The following CADM2 variants were observed in gnomAD, a reference collection of about 807,000 sequenced individuals.
The protein encoded by CADM2 is cell adhesion molecule 2, also known as immunoglobulin superfamily member 4D.
In CADM2, 12 loss-of-function variants were observed where a neutral mutation model predicts 49.8. The observed-to-expected ratio is 0.24, with a 90% CI of 0.15 to 0.39. The LOEUF (loss-of-function observed/expected upper bound fraction) is 0.39, where lower values mean the gene tolerates loss of function less well. CADM2 is among the 10% of genes least tolerant of loss of function. The pLI, the probability that CADM2 is intolerant of heterozygous loss-of-function variation, is 1.00. For missense variants in CADM2, 378 were observed against 492.3 expected, an observed-to-expected ratio of 0.77 and a Z score of 2.20; for synonymous variants, 214 against 175.4, an observed-to-expected ratio of 1.22 and a Z score of -1.74.
chr3:85,176,646 C>A lies in CADM2; in HGVS notation c.61+216978C>A, dbSNP rs569906951. 2.0e-5 allele frequency among the ~76,000 whole-genome samples: 3 copies of A among 152,118 alleles called. No individual in the cohort carries two copies. The South Asian group carries it at 6.2e-4, about 32-fold the overall frequency. On this transcript the variant is annotated intron_variant, in intron 1 of 9. Coordinates refer to ENST00000383699, the MANE Select transcript of CADM2 (RefSeq NM_001167675.2). ...AATGGGATTAAGGATTTTTTCCATC[C>A]TTTTTATATTAATTACCCATCCATA...
At chr3:85,508,028 T>A (rs182018052) in intron 1 of CADM2, among the ~76,000 whole-genome samples, 29 of 152,280 alleles carry the variant, frequency 1.9e-4, no homozygotes, top group Non-Finnish European at 2.6e-4. Context: ...CTTACATGTC[T>A]CAACATGTCC....
At chr3:85,523,688 TTTA>T (rs2061084463) in intron 1 of CADM2, among the ~76,000 whole-genome samples, 2 of 152,158 alleles carry the variant, frequency 1.3e-5, no homozygotes, top group African/African-American at 4.8e-5. Context: ...GGAAACTGAT[TTTA>T]TTATCTTCTT....
chr3:85,453,748 G>A (rs1372354610), intron 1 of CADM2, among the ~76,000 whole-genome samples: 3 of 152,062 alleles, frequency 2.0e-5, no homozygotes, highest in African/African-American at 7.2e-5. Flanking sequence ...GGAATTGTAT[G>A]AAATAATTAG....
intron 1 of CADM2, among the ~76,000 whole-genome samples, chr3:85,210,236 T>C (rs1020534291): frequency 1.3e-5 from 2 of 152,216 alleles, no homozygotes; most frequent in African/African-American, 4.8e-5. Flanking sequence ...TGAAATGATA[T>C]GTTTTTTGAA....
intron 1 of CADM2, among the ~76,000 whole-genome samples, chr3:85,043,839 T>C (rs2035543760): frequency 6.6e-6 from 1 of 152,154 alleles, no homozygotes. Flanking sequence ...TTATCTATCA[T>C]ATAAAATTCA....
At chr3:85,708,148 T>C (rs2067005946) in intron 1 of CADM2, among the ~76,000 whole-genome samples, 1 of 152,194 alleles carries the variant, frequency 6.6e-6, no homozygotes, top group Non-Finnish European at 1.5e-5. Flanking sequence ...ATATTTCTTA[T>C]GCTGTAAACA....
At chr3:85,924,999 TACA>T (rs1719642394) in intron 6 of CADM2, among the ~76,000 whole-genome samples, 1 of 152,208 alleles carries the variant, frequency 6.6e-6, no homozygotes, top group African/African-American at 2.4e-5. Context: ...CATTCTTTAA[TACA>T]ACACTTTGTT....
intron 1 of CADM2, among the ~76,000 whole-genome samples, chr3:85,443,052 T>C (rs2107547637): frequency 6.6e-6 from 1 of 152,182 alleles, no homozygotes; most frequent in South Asian, 2.1e-4. Flanking sequence ...TAATAATCAC[T>C]GTGTATCTTA....
intron 1 of CADM2, among the ~76,000 whole-genome samples, chr3:85,239,616 T>C (rs2042484573): frequency 6.6e-6 from 1 of 151,638 alleles, no homozygotes; most frequent in Admixed American, 6.6e-5. Context: ...GCATGGATCA[T>C]TCTATTCTTA....
At chr3:85,136,569 A>G (rs2039419314) in intron 1 of CADM2, among the ~76,000 whole-genome samples, 1 of 152,016 alleles carries the variant, frequency 6.6e-6, no homozygotes, top group Non-Finnish European at 1.5e-5. Flanking sequence ...TATTTTCTAG[A>G]CTATTCACAT....
At chr3:85,703,586 G>T (rs1016750963) in intron 1 of CADM2, among the ~76,000 whole-genome samples, 2 of 152,044 alleles carry the variant, frequency 1.3e-5, no homozygotes, top group African/African-American at 4.8e-5. Flanking sequence ...AAAGTCCAAG[G>T]TTCCAAATAC....
chr3:85,996,324 G>A (rs1176249895), intron 8 of CADM2, among the ~76,000 whole-genome samples: 7 of 133,996 alleles, frequency 5.2e-5, no homozygotes, highest in Non-Finnish European at 9.2e-5. Context: ...GTCTGAGACG[G>A]AGTCTCACTC....
intron 8 of CADM2, chr3:85,979,238 A>G: frequency 6.2e-7 from 1 of 1,611,072 alleles, no homozygotes; most frequent in Non-Finnish European, 8.5e-7. Flanking sequence ...CACTGTAGCC[A>G]TAACAACCAG....
chr3:85,106,453 C>T (rs917521048), intron 1 of CADM2, among the ~76,000 whole-genome samples: 6 of 152,030 alleles, frequency 3.9e-5, no homozygotes, highest in Non-Finnish European at 8.8e-5. Flanking sequence ...AATGAACATC[C>T]CAGTACATAG....
intron 1 of CADM2, among the ~76,000 whole-genome samples, chr3:85,461,883 G>A (rs1338618424): frequency 1.3e-5 from 2 of 152,064 alleles, no homozygotes; most frequent in African/African-American, 4.8e-5. Context: ...TAAATATACA[G>A]CAAAGTTGGA....
At chr3:85,507,671 A>C (rs150063829) in intron 1 of CADM2, among the ~76,000 whole-genome samples, 305 of 152,250 alleles carry the variant, frequency 2.0e-3, no homozygotes, top group Non-Finnish European at 3.5e-3. Context: ...AGGGCCCTCC[A>C]TGGTGTTTAA....
At chr3:86,044,761 CAT>C (rs938659660) in intron 8 of CADM2, among the ~76,000 whole-genome samples, 7 of 151,462 alleles carry the variant, frequency 4.6e-5, no homozygotes, top group Non-Finnish European at 7.4e-5. Flanking sequence ...CACATGCACA[CAT>C]GTTTATTGCG....
intron 3 of CADM2, among the ~76,000 whole-genome samples, chr3:85,865,488 A>G (rs59470223): frequency 0.075 from 11,426 of 152,248 alleles, 761 homozygotes; most frequent in African/African-American, 0.17. Flanking sequence ...ATACATCTGA[A>G]TCAGTTTTTC....
chr3:85,965,442 T>C (rs1725359175), intron 8 of CADM2, among the ~76,000 whole-genome samples: 1 of 151,358 alleles, frequency 6.6e-6, no homozygotes, highest in Non-Finnish European at 1.5e-5. Flanking sequence ...TTTCTAGTAG[T>C]CTTATTATAC....
Sources: gnomAD v4.1 joint callset for allele counts (sites outside exome capture counted in the v4.1 genomes callset) on GRCh38, gnomAD v4.1.1 for gene constraint, MANE v1.5 for transcripts, NCBI Gene and HGNC (gene_info 2026-07-23, HGNC 2026-07-21) for gene names.